Variants in NRXN3 observed in about 807,000 individuals in gnomAD.
The protein encoded by NRXN3 is neurexin III.
NRXN3 carries 32 observed loss-of-function variants against 137.6 expected under a neutral mutation model. The ratio of observed to expected loss-of-function variants is 0.23; its 90% CI spans 0.18 to 0.31. The LOEUF (loss-of-function observed/expected upper bound fraction) is 0.31, where lower values mean the gene tolerates loss of function less well. Ranked by LOEUF, NRXN3 falls within the 10% of genes least tolerant of loss-of-function variation. The pLI is 1.00. For missense variants in NRXN3, 1,574 were observed against 2,062.5 expected (o/e 0.76, Z 4.59); for synonymous variants, 798 against 784.5 (o/e 1.02, Z -0.29).
intron 15 of NRXN3, among the ~76,000 whole-genome samples, chr14:79,409,763 C>G (rs2095386426): frequency 6.6e-6 from 1 of 151,472 alleles, no homozygotes; most frequent in African/African-American, 2.4e-5. Flanking sequence ...CCTTCTCCCC[C>G]ATTGCCCATT....
intron 8 of NRXN3, among the ~76,000 whole-genome samples, chr14:78,735,747 G>A (rs989137977): frequency 1.3e-5 from 2 of 152,058 alleles, no homozygotes; most frequent in African/African-American, 4.8e-5. Context: ...TTGTTTTAGG[G>A]GTTTCAAAGT....
intron 15 of NRXN3, among the ~76,000 whole-genome samples, chr14:79,441,340 A>G (rs1401011472): frequency 6.6e-6 from 1 of 150,544 alleles, no homozygotes; most frequent in African/African-American, 2.4e-5. Context: ...AAATGCTGAA[A>G]GAATATCCCT....
intron 4 of NRXN3, among the ~76,000 whole-genome samples, chr14:78,601,711 C>T (rs932719529): frequency 6.6e-6 from 1 of 152,178 alleles, no homozygotes; most frequent in Admixed American, 6.5e-5. Flanking sequence ...ACCTCGGCCT[C>T]CCAAAGTGCT....
rs985181017 is a variant in NRXN3, at chr14:79,059,475, T to C, written c.3262+71334T>C. Among the ~76,000 whole-genome samples the C allele has an allele frequency of 1.6e-4, 24 of 152,082 alleles. 1 individual carries two copies. The highest frequency in any genetic ancestry group is 3.4e-3 in the Middle Eastern group (1 of 294). On this transcript the variant is annotated intron_variant, in intron 15 of 20. Coordinates refer to ENST00000335750, the MANE Select transcript of NRXN3 (RefSeq NM_001330195.2). Reference sequence around the variant, plus strand: ...GGTTTCACCGTGTTAGCCAGGATGGTCTCGATCTCCTGACCTCGTGATCCC... The same window carrying C: ...GGTTTCACCGTGTTAGCCAGGATGGCCTCGATCTCCTGACCTCGTGATCCC...
At chr14:78,601,648 G>A (rs2097202945) in intron 4 of NRXN3, among the ~76,000 whole-genome samples, 2 of 151,986 alleles carry the variant, frequency 1.3e-5, no homozygotes, top group African/African-American at 2.4e-5. Flanking sequence ...TAGACACAGG[G>A]TTTCACCATG....
At chr14:79,798,720 G>A (rs1321658765) in intron 19 of NRXN3, among the ~76,000 whole-genome samples, 2 of 152,222 alleles carry the variant, frequency 1.3e-5, no homozygotes, top group African/African-American at 4.8e-5. Context: ...GCTGAAGGGT[G>A]GAATTTGAAG....
chr14:78,444,919 CAAAAAAAAAAA>C (rs56400913), intron 4 of NRXN3, among the ~76,000 whole-genome samples: 3 of 47,116 alleles, frequency 6.4e-5, no homozygotes, highest in African/African-American at 1.9e-4. Flanking sequence ...AACTCTGTCT[CAAAAAAAAAAA>C]AAAAAAAAAA....
At chr14:79,711,803 T>C (rs548345814) in intron 19 of NRXN3, among the ~76,000 whole-genome samples, 1 of 152,006 alleles carries the variant, frequency 6.6e-6, no homozygotes, top group Non-Finnish European at 1.5e-5. Flanking sequence ...GTGGCCCATA[T>C]CCAATTAATG....
At chr14:78,959,228 A>G (rs2099403390) in intron 11 of NRXN3, among the ~76,000 whole-genome samples, 2 of 151,828 alleles carry the variant, frequency 1.3e-5, no homozygotes, top group South Asian at 4.2e-4. Context: ...AGTAGGCATT[A>G]GAAACTGTTA....
chr14:78,546,353 G>A (rs187408528), intron 4 of NRXN3, among the ~76,000 whole-genome samples: 9 of 152,266 alleles, frequency 5.9e-5, no homozygotes, highest in African/African-American at 1.9e-4. Flanking sequence ...AGGCCATTTA[G>A]CTGAGCACTT....
intron 19 of NRXN3, among the ~76,000 whole-genome samples, chr14:79,793,489 T>G (rs557205897): frequency 6.6e-6 from 1 of 152,278 alleles, no homozygotes; most frequent in South Asian, 2.1e-4. Flanking sequence ...GGACCTGGTT[T>G]CAGGAACATA....
chr14:79,277,331 A>C (rs530874002), intron 15 of NRXN3, among the ~76,000 whole-genome samples: 3 of 152,172 alleles, frequency 2.0e-5, no homozygotes, highest in Non-Finnish European at 2.9e-5. Flanking sequence ...CATTAGAGTT[A>C]AGCAGAGTCA....
At position 79,652,967 on chromosome 14, in the gene NRXN3, G is replaced by A. The variant is rs75575574; in HGVS notation, c.3445-10811G>A. 0.012 allele frequency among the ~76,000 whole-genome samples: 1,809 copies of A among 152,110 alleles called. 121 individuals carry two copies. The East Asian group carries it at 0.2, about 17-fold the overall frequency. ...ATCTTATCCAAGAGAGAATGTTGTA[G>A]TGGGTGATAGTTGACGAAGAAGAGA... is the stretch of plus-strand genomic sequence containing the variant. On this transcript the variant is annotated intron_variant, in intron 16 of 20. Transcript: ENST00000335750.
chr14:79,111,431 C>T (rs1568319435), intron 15 of NRXN3, among the ~76,000 whole-genome samples: 1 of 152,150 alleles, frequency 6.6e-6, no homozygotes, highest in Non-Finnish European at 1.5e-5. Context: ...TAGACCTTCT[C>T]TCCCTGCTTA....
intron 20 of NRXN3, among the ~76,000 whole-genome samples, chr14:79,842,767 A>G (rs764015133): frequency 6.6e-6 from 1 of 152,152 alleles, no homozygotes; most frequent in Non-Finnish European, 1.5e-5. Flanking sequence ...CCATAATCTG[A>G]TTTAGCAAAA....
intron 4 of NRXN3, among the ~76,000 whole-genome samples, chr14:78,607,465 G>T (rs969250329): frequency 6.6e-6 from 1 of 152,094 alleles, no homozygotes; most frequent in South Asian, 2.1e-4. Flanking sequence ...ACCTCCTTTG[G>T]CTCAGTCCTC....
At chr14:78,952,718 A>G (rs1219675710) in intron 10 of NRXN3, among the ~76,000 whole-genome samples, 2 of 152,156 alleles carry the variant, frequency 1.3e-5, no homozygotes, top group Non-Finnish European at 2.9e-5. Flanking sequence ...CATATATTTT[A>G]TGCATTGTAG....
chr14:78,247,751 CT>C (rs762769981), intron 2 of NRXN3, among the ~76,000 whole-genome samples: 2 of 152,140 alleles, frequency 1.3e-5, no homozygotes, highest in African/African-American at 2.4e-5. Flanking sequence ...GAGCGGTCCC[CT>C]CACGGCTCAT....
At chr14:78,798,148 T>G (rs921508812) in intron 8 of NRXN3, among the ~76,000 whole-genome samples, 2 of 152,140 alleles carry the variant, frequency 1.3e-5, no homozygotes, top group African/African-American at 2.4e-5. Flanking sequence ...AAGTCCACAG[T>G]CCAAAGTCTC....
Sources: allele counts gnomAD v4.1 joint callset (sites outside exome capture counted in the v4.1 genomes callset), GRCh38; gene constraint gnomAD v4.1.1; transcripts MANE v1.5; gene names NCBI Gene and HGNC (gene_info 2026-07-23, HGNC 2026-07-21).